Variants in ROBO2 observed in about 807,000 individuals in gnomAD.
The protein encoded by ROBO2 is roundabout guidance receptor 2.
Under a neutral mutation model 160.8 loss-of-function variants are expected in ROBO2, and 53 were observed. The observed-to-expected ratio is 0.33, with a 90% CI of 0.26 to 0.41. ROBO2 has a LOEUF of 0.41. Ranked by LOEUF, ROBO2 falls within the 10% of genes least tolerant of loss-of-function variation. The pLI, the probability that ROBO2 is intolerant of heterozygous loss-of-function variation, is 1.00. For synonymous variants in ROBO2, 664 were observed against 611.7 expected, an observed-to-expected ratio of 1.09 and a Z score of -1.26; for missense variants, 1,577 against 1,722.4, an observed-to-expected ratio of 0.92 and a Z score of 1.49.
At chr3:76,740,054 G>C (rs1487791036) in intron 2 of ROBO2, among the ~76,000 whole-genome samples, 1 of 152,084 alleles carries the variant, frequency 6.6e-6, no homozygotes, top group African/African-American at 2.4e-5. Context: ...CTAAACAATA[G>C]CAGTACCATA....
At chr3:76,478,178 TC>T (rs1295886138) in intron 2 of ROBO2, among the ~76,000 whole-genome samples, 7 of 42,930 alleles carry the variant, frequency 1.6e-4, no homozygotes, top group South Asian at 1.0e-3. Context: ...CCCTCCCCCC[TC>T]CCCCCCACCC....
intron 4 of ROBO2, among the ~76,000 whole-genome samples, chr3:77,490,129 C>T (rs1256597186): frequency 2.2e-5 from 3 of 135,194 alleles, no homozygotes; most frequent in African/African-American, 8.4e-5. Flanking sequence ...GGGACGGAGT[C>T]TCGCTCTGTC....
At chr3:77,366,193 C>G (rs1253990165) in intron 2 of ROBO2, among the ~76,000 whole-genome samples, 1 of 152,108 alleles carries the variant, frequency 6.6e-6, no homozygotes, top group Non-Finnish European at 1.5e-5. Context: ...AATTTCAAGT[C>G]TTTTAGAGAA....
At chr3:76,743,738 A>C (rs1339929786) in intron 2 of ROBO2, among the ~76,000 whole-genome samples, 1 of 151,934 alleles carries the variant, frequency 6.6e-6, no homozygotes, top group Non-Finnish European at 1.5e-5. Context: ...TATACTATGC[A>C]AATTTAGCAC....
intron 2 of ROBO2, among the ~76,000 whole-genome samples, chr3:76,986,550 TA>T (rs2060393137): frequency 6.6e-6 from 1 of 152,150 alleles, no homozygotes; most frequent in African/African-American, 2.4e-5. Context: ...AAAGTTATAT[TA>T]TTTTGTAATT....
At chr3:77,309,831 G>C (rs2063393540) in intron 2 of ROBO2, among the ~76,000 whole-genome samples, 1 of 152,180 alleles carries the variant, frequency 6.6e-6, no homozygotes, top group South Asian at 2.1e-4. Flanking sequence ...GGTCCATAGA[G>C]AGATAACTGA....
chr3:76,293,360 CT>C (rs529480112), intron 2 of ROBO2, among the ~76,000 whole-genome samples: 1 of 152,304 alleles, frequency 6.6e-6, no homozygotes, highest in Admixed American at 6.5e-5. Context: ...GGCAGGGGGC[CT>C]TTCCCTTGCT....
intron 2 of ROBO2, among the ~76,000 whole-genome samples, chr3:77,428,788 C>T (rs2078479882): frequency 6.6e-6 from 1 of 152,056 alleles, no homozygotes; most frequent in Admixed American, 6.5e-5. Flanking sequence ...TATTAGTAGT[C>T]ATGTTGATCT....
At chr3:76,225,403 T>G (rs1442557524) in intron 2 of ROBO2, among the ~76,000 whole-genome samples, 1 of 152,192 alleles carries the variant, frequency 6.6e-6, no homozygotes. Context: ...TAGCTGCTTA[T>G]TTTTATTTCC....
At chr3:77,288,224 A>T (rs542428565) in intron 2 of ROBO2, among the ~76,000 whole-genome samples, 1 of 152,144 alleles carries the variant, frequency 6.6e-6, no homozygotes, top group Non-Finnish European at 1.5e-5. Flanking sequence ...AATCAGAGGA[A>T]CCGTTGTTAG....
Position 77,607,957 on chromosome 3 carries a change from A to G in ROBO2, c.3293+3A>G. ...GCAGTGGAACAACAAGAAAATGGGT[A>G]AAGATATTTTATATACTAGCAAAAT... On this transcript the variant is annotated splice_donor_region_variant and intron_variant, in intron 21 of 25. Coordinates refer to ENST00000461745, the Ensembl canonical transcript of ROBO2. 6.2e-7 allele frequency: 1 copy of G among 1,613,832 alleles called. No individual in the cohort carries two copies.
chr3:77,382,190 C>T (rs1233084443), intron 2 of ROBO2, among the ~76,000 whole-genome samples: 2 of 151,870 alleles, frequency 1.3e-5, no homozygotes, highest in East Asian at 1.9e-4. Flanking sequence ...TGTTCTGCAC[C>T]GTAAGAGTGA....
At chr3:77,580,527 G>GT (rs1559656971) in intron 16 of ROBO2, among the ~76,000 whole-genome samples, 28 of 152,104 alleles carry the variant, frequency 1.8e-4, no homozygotes, top group African/African-American at 6.7e-4. Flanking sequence ...GTCAGAATAA[G>GT]CTTTGTAATC....
At chr3:76,350,694 A>G (rs1302711463) in intron 2 of ROBO2, among the ~76,000 whole-genome samples, 2 of 152,140 alleles carry the variant, frequency 1.3e-5, no homozygotes, top group South Asian at 4.1e-4. Flanking sequence ...TCTTATATAT[A>G]AAATTTTCTT....
At chr3:76,956,277 GC>G (rs1164278559) in intron 2 of ROBO2, among the ~76,000 whole-genome samples, 1 of 152,120 alleles carries the variant, frequency 6.6e-6, no homozygotes, top group Non-Finnish European at 1.5e-5. Context: ...GCTAATCTGG[GC>G]CAGGCACGGT....
chr3:77,268,603 T>A (rs1346338896), intron 2 of ROBO2, among the ~76,000 whole-genome samples: 1 of 152,176 alleles, frequency 6.6e-6, no homozygotes, highest in Non-Finnish European at 1.5e-5. Context: ...TAATCAGTAA[T>A]GTGCACATCA....
At chr3:76,910,561 G>T (rs4100766) in intron 2 of ROBO2, among the ~76,000 whole-genome samples, 4 of 150,940 alleles carry the variant, frequency 2.7e-5, no homozygotes, top group African/African-American at 9.8e-5. Context: ...CCCCGTCTCT[G>T]CTAAAAATAG....
chr3:76,699,265 C>T lies in ROBO2; in HGVS notation c.110-398749C>T, dbSNP rs534020194. ...CTCCTAATCAGATCTGCTGTTTATC[C>T]AGGTCTGTTGAATAAACAAAATTTG... On this transcript the variant is annotated intron_variant, in intron 2 of 26. Transcript: ENST00000487694. 2.6e-5 allele frequency among the ~76,000 whole-genome samples: 4 copies of T among 152,154 alleles called. No homozygotes were observed. The East Asian group carries it at 7.7e-4, about 29-fold the overall frequency.
rs142789291 is a variant in ROBO2 at position 77,178,874 on chromosome 3, G to A, written c.388+80534G>A. ...GTTTGATTTGTTAAGAAATACTTAC[G>A]CTGTTCTCTCTAGTCTTAGTGTGGT... On this transcript the variant is annotated intron_variant, in intron 2 of 25. Transcript: ENST00000461745. Among the ~76,000 whole-genome samples the A allele has an allele frequency of 4.6e-5, 7 of 151,940 alleles. No homozygotes were observed. In the South Asian group the frequency reaches 1.4e-3, roughly 31 times the overall value.
Sources: allele counts gnomAD v4.1 joint callset (sites outside exome capture counted in the v4.1 genomes callset), GRCh38; gene constraint gnomAD v4.1.1; transcripts MANE v1.5; gene names NCBI Gene and HGNC (gene_info 2026-07-23, HGNC 2026-07-21).